The following TCAIM variants were observed in gnomAD, a reference collection of about 807,000 sequenced individuals.
TCAIM encodes T-cell activation inhibitor, mitochondrial.
A neutral mutation model predicts 58.6 loss-of-function variants in TCAIM; 36 were observed. That is an observed-to-expected ratio of 0.61 (90% CI 0.47 to 0.81). The LOEUF is 0.81. TCAIM is among the 30% of genes least tolerant of loss of function. TCAIM has a pLI of 0.00. For missense variants in TCAIM, 466 were observed against 579.6 expected (o/e 0.80, Z 2.01); for synonymous variants, 172 against 193.6 (o/e 0.89, Z 0.93).
intron 4 of TCAIM, among the ~76,000 whole-genome samples, chr3:44,366,276 C>T (rs1701372268): frequency 6.6e-6 from 1 of 151,670 alleles, no homozygotes; most frequent in South Asian, 2.1e-4. Context: ...GATTACCCAA[C>T]ATCAAAATCA....
intron 2 of TCAIM, 110 bp from the exon 3 acceptor site, chr3:44,357,631 A>G (rs1203390314): frequency 7.4e-5 from 102 of 1,369,244 alleles, no homozygotes; most frequent in Non-Finnish European, 9.4e-5. Flanking sequence ...CAAAGTATCT[A>G]TCTTGTTTCT....
chr3:44,374,966 G>A (rs904883351), intron 5 of TCAIM, among the ~76,000 whole-genome samples: 8 of 151,922 alleles, frequency 5.3e-5, no homozygotes, highest in Non-Finnish European at 1.0e-4. Context: ...ACTGAGCTTC[G>A]CTTGAGTTAC....
chr3:44,363,851 G>C (rs1701327327), intron 4 of TCAIM, among the ~76,000 whole-genome samples: 1 of 151,688 alleles, frequency 6.6e-6, no homozygotes, highest in Admixed American at 6.6e-5. Context: ...AGAAGACTGA[G>C]GTGGGAGAAT....
Position 44,389,751 on chromosome 3 carries a change from A to AT in TCAIM, c.573-3104_573-3103insT, listed in dbSNP as rs554675762. ...GCTATGCAAAGTCATTGAATTAAAA[A>AT]AAAAAAACATCGAACACTTTCACCT... is the stretch of plus-strand genomic sequence containing the variant. On this transcript the variant is annotated intron_variant, in intron 5 of 10. Transcript: ENST00000342649. Among the ~76,000 whole-genome samples the AT allele has an allele frequency of 3.4e-3, 518 of 151,858 alleles. 2 individuals are homozygous for AT. Among genetic ancestry groups the AT allele is most frequent in the Middle Eastern group, 0.01 (3 of 294 alleles).
At chr3:44,347,843 G>A (rs1418976189) in intron 1 of TCAIM, among the ~76,000 whole-genome samples, 2 of 152,098 alleles carry the variant, frequency 1.3e-5, no homozygotes, top group African/African-American at 4.8e-5. Flanking sequence ...TCACCAAGAA[G>A]GGAGTAGAGG....
At chr3:44,370,795 G>A (rs1180560799) in intron 5 of TCAIM, among the ~76,000 whole-genome samples, 1 of 145,296 alleles carries the variant, frequency 6.9e-6, no homozygotes, top group African/African-American at 2.5e-5. Context: ...AGGTTGGAGT[G>A]CAGTGGCATG....
At position 44,407,749 on chromosome 3, in the gene TCAIM, C is replaced by A; in HGVS notation, c.*67C>A. On this transcript the variant is annotated 3_prime_UTR_variant, in exon 11 of 11. Coordinates refer to ENST00000342649, the MANE Select transcript of TCAIM (RefSeq NM_173826.4). ...CTTAAATTAAAAATATTTAAATCCA[C>A]AATTTGATATAACAGTATTATTTAC... is the stretch of plus-strand genomic sequence containing the variant. 7.0e-7 allele frequency: 1 copy of A among 1,420,158 alleles called. No homozygotes were observed. The highest frequency in any genetic ancestry group is 1.5e-5 in the South Asian group (1 of 67,750). 88.0% of individuals were successfully genotyped at this position (1,420,158 alleles called of 1,614,324 possible). A position where few individuals can be genotyped will look rare whatever the true frequency, so the allele number is the denominator to read the frequency against.
intron 5 of TCAIM, among the ~76,000 whole-genome samples, chr3:44,385,352 GT>G (rs1701721573): frequency 6.6e-6 from 1 of 152,090 alleles, no homozygotes; most frequent in African/African-American, 2.4e-5. Context: ...TGTACAGAGT[GT>G]TTTACCCTAA....
At chr3:44,344,102 A>G (rs1236129238) in intron 1 of TCAIM, among the ~76,000 whole-genome samples, 1 of 151,216 alleles carries the variant, frequency 6.6e-6, no homozygotes, top group Non-Finnish European at 1.5e-5. Context: ...GCTCACTGCA[A>G]ACTCCACCTC....
intron 5 of TCAIM, among the ~76,000 whole-genome samples, chr3:44,378,103 G>T (rs544528680): frequency 3.3e-5 from 5 of 152,282 alleles, no homozygotes; most frequent in Non-Finnish European, 5.9e-5. Context: ...ACAAACTGCT[G>T]GGTGCGGTGG....
At chr3:44,362,588 T>A (rs779519443) in intron 4 of TCAIM, 1 of 394,396 alleles carries the variant, frequency 2.5e-6, no homozygotes, top group East Asian at 3.6e-5. Context: ...TTCCTTTTCT[T>A]GGCAGTTTCT....
intron 5 of TCAIM, among the ~76,000 whole-genome samples, chr3:44,378,028 A>G (rs1701593523): frequency 6.6e-6 from 1 of 152,204 alleles, no homozygotes; most frequent in Admixed American, 6.5e-5. Context: ...AATGGGAGAA[A>G]GTACTTTCAA....
rs532380488 is a variant in TCAIM at position 44,339,509 on chromosome 3, C to T, written c.-45+675C>T. 1.6e-4 allele frequency among the ~76,000 whole-genome samples: 24 copies of T among 152,244 alleles called. 1 individual carries two copies. In the South Asian group the frequency reaches 2.5e-3, roughly 16 times the overall value. On this transcript the variant is annotated intron_variant, in intron 1 of 10. Coordinates refer to ENST00000342649, the MANE Select transcript of TCAIM (RefSeq NM_173826.4). ...TTTCACTGATTTAGGTATCTTTCCA[C>T]CAAATTTGGTTTGAAACTGCACAGA...
chr3:44,392,754 CTTTG>C, intron 5 of TCAIM, 97 bp from the exon 6 acceptor site: 1 of 1,148,476 alleles, frequency 8.7e-7, no homozygotes, highest in Non-Finnish European at 1.2e-6. Flanking sequence ...GATTCCAAGT[CTTTG>C]CTATTGTGAA....
intron 5 of TCAIM, among the ~76,000 whole-genome samples, chr3:44,369,277 G>T (rs1158857738): frequency 3.9e-5 from 6 of 152,090 alleles, no homozygotes; most frequent in Non-Finnish European, 7.4e-5. Context: ...CTTATCTTGC[G>T]CTGTGTCTAG....
At chr3:44,344,663 C>T (rs1051663277) in intron 1 of TCAIM, among the ~76,000 whole-genome samples, 2 of 152,090 alleles carry the variant, frequency 1.3e-5, no homozygotes, top group Non-Finnish European at 2.9e-5. Context: ...ATTACTGTCA[C>T]ACGCGTCCGT....
At chr3:44,351,368 A>C (rs1701085330) in intron 1 of TCAIM, among the ~76,000 whole-genome samples, 1 of 151,518 alleles carries the variant, frequency 6.6e-6, no homozygotes, top group African/African-American at 2.4e-5. Context: ...TCCTCATTGT[A>C]TCTCCATTTG....
At chr3:44,381,205 A>C (rs975579680) in intron 5 of TCAIM, among the ~76,000 whole-genome samples, 9 of 152,182 alleles carry the variant, frequency 5.9e-5, no homozygotes, top group African/African-American at 2.2e-4. Context: ...ATTAATACAA[A>C]AAGCTTCAAA....
intron 5 of TCAIM, among the ~76,000 whole-genome samples, chr3:44,389,579 A>T (rs1375178637): frequency 1.3e-5 from 2 of 152,180 alleles, no homozygotes; most frequent in Non-Finnish European, 2.9e-5. Context: ...TTACTTAATA[A>T]GTGTGGAAAA....
Sources: allele counts gnomAD v4.1 joint callset (sites outside exome capture counted in the v4.1 genomes callset), GRCh38; gene constraint gnomAD v4.1.1; transcripts MANE v1.5; gene names NCBI Gene and HGNC (gene_info 2026-07-23, HGNC 2026-07-21).